The following ALK variants were observed in gnomAD, a reference collection of about 807,000 sequenced individuals.
ALK encodes the protein ALK tyrosine kinase receptor.
Under a neutral mutation model 163.1 loss-of-function variants are expected in ALK, and 74 were observed. The ratio of observed to expected loss-of-function variants is 0.45; its 90% CI spans 0.38 to 0.55. The LOEUF is 0.55. ALK is among the 20% of genes least tolerant of loss of function. The pLI, the probability that ALK is intolerant of heterozygous loss-of-function variation, is 0.00. For synonymous variants in ALK, 960 were observed against 843.2 expected, an observed-to-expected ratio of 1.14 and a Z score of -2.40; for missense variants, 2,063 against 2,105.3, an observed-to-expected ratio of 0.98 and a Z score of 0.39.
chr2:29,207,165 A>AC lies in ALK; in HGVS notation c.3938+5dup, dbSNP rs1573098880. On this transcript the variant is annotated splice_donor_region_variant and intron_variant, in intron 26 of 28. Transcript: ENST00000389048. ...AGGGATACCTGGAGGATGATGGCTG[A>AC]CTTACCATGTGTCTGTTTTAGAAGT... The AC allele has an allele frequency of 3.7e-6, 6 of 1,610,452 alleles. No individual in the cohort carries two copies. The highest frequency in any genetic ancestry group is 1.3e-5 in the African/African-American group (1 of 74,972).
At chr2:29,514,941 C>T (rs187562518) in intron 4 of ALK, among the ~76,000 whole-genome samples, 1 of 152,340 alleles carries the variant, frequency 6.6e-6, no homozygotes, top group East Asian at 1.9e-4. Context: ...AACTCTACAT[C>T]AGCTTTCCTT....
intron 3 of ALK, among the ~76,000 whole-genome samples, chr2:29,660,836 C>T (rs1677325495): frequency 6.6e-6 from 1 of 152,044 alleles, no homozygotes. Context: ...TATGTCTCTT[C>T]CTGAATGTGA....
chr2:29,765,177 C>T lies in ALK; in HGVS notation c.668-47480G>A, dbSNP rs1017129112. Among the ~76,000 whole-genome samples the T allele has an allele frequency of 2.0e-5, 3 of 152,230 alleles. No individual in the cohort carries two copies. The South Asian group carries it at 6.2e-4, about 32-fold the overall frequency. On this transcript the variant is annotated intron_variant, in intron 1 of 28. Coordinates refer to ENST00000389048, the MANE Select transcript of ALK (RefSeq NM_004304.5). ...TAAACCTATTTTATTTATAAATTAC[C>T]CACCCTCAGGTCTTTCTTCAAAGCA... is the stretch of plus-strand genomic sequence containing the variant.
intron 3 of ALK, among the ~76,000 whole-genome samples, chr2:29,597,806 A>G (rs1675255360): frequency 6.6e-6 from 1 of 152,164 alleles, no homozygotes; most frequent in South Asian, 2.1e-4. Context: ...GAATGGCCCC[A>G]GGGTAATAGG....
In ALK at chr2:29,222,620, G is replaced by A; in HGVS notation, c.3360-13C>T. On this transcript the variant is annotated splice_polypyrimidine_tract_variant and intron_variant, in intron 20 of 28. Transcript: ENST00000389048. The stretch of plus-strand genomic sequence containing the variant: ...ATGGCCCAGACCCCTGTGCAAAGGA[G>A]AAGACAAGAGGAGACAGAGTCAAAC... The A allele has an allele frequency of 1.9e-6, 3 of 1,611,870 alleles. No individual in the cohort carries two copies. The highest frequency in any genetic ancestry group is 2.5e-6 in the Non-Finnish European group (3 of 1,178,756).
At chr2:29,229,438 C>G (rs891266617) in intron 15 of ALK, among the ~76,000 whole-genome samples, 9 of 152,184 alleles carry the variant, frequency 5.9e-5, no homozygotes, top group Non-Finnish European at 1.0e-4. Flanking sequence ...CAGCCAAGCC[C>G]CGTAGCACTG....
intron 5 of ALK, among the ~76,000 whole-genome samples, chr2:29,330,314 T>C (rs1321885517): frequency 6.6e-6 from 1 of 152,156 alleles, no homozygotes; most frequent in Non-Finnish European, 1.5e-5. Flanking sequence ...ATGCACCCCA[T>C]ACTCTGCTGA....
At chr2:29,345,269 G>A (rs957122812) in intron 5 of ALK, among the ~76,000 whole-genome samples, 11 of 151,960 alleles carry the variant, frequency 7.2e-5, no homozygotes, top group African/African-American at 1.9e-4. Context: ...GGTGGCACAC[G>A]TCTGTAGTCC....
Position 29,396,835 on chromosome 2 carries a change from G to T in ALK, c.1155-12976C>A, listed in dbSNP as rs201777317. Among the ~76,000 whole-genome samples the T allele has an allele frequency of 1.1e-3, 38 of 35,716 alleles. No individual in the cohort carries two copies. In the South Asian group the frequency reaches 0.019, roughly 18 times the overall value. 23.4% of individuals were successfully genotyped at this position (35,716 alleles called of 152,430 possible). A position where few individuals can be genotyped will look rare whatever the true frequency, so the allele number is the denominator to read the frequency against. On this transcript the variant is annotated intron_variant, in intron 4 of 28. Transcript: ENST00000389048. ...GTACCCAGAGGCCCTTTGTTACTAT[G>T]GTTTTTTTTTTTTTTTTTTTTTTTT...
At chr2:29,373,314 A>G (rs2148294372) in intron 5 of ALK, among the ~76,000 whole-genome samples, 1 of 152,390 alleles carries the variant, frequency 6.6e-6, no homozygotes, top group Admixed American at 6.5e-5. Flanking sequence ...TAAAATAAAT[A>G]CATTAGTTAG....
At chr2:29,526,024 T>C (rs1288456001) in intron 4 of ALK, among the ~76,000 whole-genome samples, 1 of 152,136 alleles carries the variant, frequency 6.6e-6, no homozygotes. Flanking sequence ...GGATCTATCT[T>C]GGAGAACACA....
At chr2:29,919,050 G>GCA (rs952820861) in intron 1 of ALK, among the ~76,000 whole-genome samples, 12 of 151,944 alleles carry the variant, frequency 7.9e-5, no homozygotes, top group Middle Eastern at 3.2e-3. Flanking sequence ...GTAAGTGCCT[G>GCA]CACACACACA....
chr2:29,309,453 G>A (rs1666635667), intron 8 of ALK, among the ~76,000 whole-genome samples: 1 of 152,224 alleles, frequency 6.6e-6, no homozygotes, highest in African/African-American at 2.4e-5. Context: ...AGAGGTATTA[G>A]TTGTGAATGG....
chr2:29,402,763 A>G (rs370315812), intron 4 of ALK, among the ~76,000 whole-genome samples: 3 of 152,170 alleles, frequency 2.0e-5, no homozygotes, highest in South Asian at 4.1e-4. Context: ...TCCTAGGGCC[A>G]GTTCTCCCTG....
intron 5 of ALK, among the ~76,000 whole-genome samples, chr2:29,371,523 C>T (rs1478446463): frequency 6.6e-6 from 1 of 152,176 alleles, no homozygotes; most frequent in Non-Finnish European, 1.5e-5. Flanking sequence ...CTTACCTCTC[C>T]CCACCTCACC....
chr2:29,828,561 A>G (rs1410284107), intron 1 of ALK, among the ~76,000 whole-genome samples: 1 of 152,264 alleles, frequency 6.6e-6, no homozygotes, highest in Non-Finnish European at 1.5e-5. Flanking sequence ...CACATGAAAA[A>G]ATGCTCACCA....
At chr2:29,757,575 C>A (rs758171206) in intron 1 of ALK, among the ~76,000 whole-genome samples, 20 of 142,020 alleles carry the variant, frequency 1.4e-4, no homozygotes, top group Admixed American at 5.9e-4. Flanking sequence ...ATTGTGCAAG[C>A]ATCTTGTTTT....
chr2:29,745,248 A>C (rs185817035), intron 1 of ALK, among the ~76,000 whole-genome samples: 20 of 152,290 alleles, frequency 1.3e-4, no homozygotes, highest in Admixed American at 5.9e-4. Context: ...TAATTTGCCT[A>C]AACTCACTGA....
At chr2:29,747,740 GT>G (rs1035253714) in intron 1 of ALK, among the ~76,000 whole-genome samples, 22 of 152,174 alleles carry the variant, frequency 1.4e-4, no homozygotes, top group African/African-American at 5.3e-4. Context: ...TTTCTTGTGG[GT>G]TCCTAGAAAG....
Sources: allele counts gnomAD v4.1 joint callset (sites outside exome capture counted in the v4.1 genomes callset), GRCh38; gene constraint gnomAD v4.1.1; transcripts MANE v1.5; gene names NCBI Gene and HGNC (gene_info 2026-07-23, HGNC 2026-07-21).